Variants in SIPA1L1 observed in about 807,000 individuals in gnomAD.
SIPA1L1 encodes signal-induced proliferation-associated 1-like protein 1.
In SIPA1L1, 26 loss-of-function variants were observed where a neutral mutation model predicts 162.7. That is an observed-to-expected ratio of 0.16 (90% CI 0.12 to 0.22). The LOEUF (loss-of-function observed/expected upper bound fraction) is 0.22. Among genes scored for constraint, SIPA1L1 ranks in the 10% least tolerant of loss-of-function variants. The pLI is 1.00. For missense variants in SIPA1L1, 1,874 were observed against 2,241.0 expected, an observed-to-expected ratio of 0.84 and a Z score of 3.31; for synonymous variants, 829 against 837.4, an observed-to-expected ratio of 0.99 and a Z score of 0.17.
At chr14:71,386,911 T>A (rs2040366023) in intron 2 of SIPA1L1, among the ~76,000 whole-genome samples, 1 of 152,168 alleles carries the variant, frequency 6.6e-6, no homozygotes, top group Admixed American at 6.5e-5. Flanking sequence ...TGAAAAATCT[T>A]CCCTATGAAC....
At chr14:71,605,166 ATTG>A (rs549190943) in intron 5 of SIPA1L1, among the ~76,000 whole-genome samples, 108 of 151,848 alleles carry the variant, frequency 7.1e-4, no homozygotes, top group African/African-American at 2.2e-3. Flanking sequence ...AATCTAGTCT[ATTG>A]TTGTTGCTTT....
chr14:71,603,815 T>C (rs576131781), intron 5 of SIPA1L1, among the ~76,000 whole-genome samples: 1 of 151,252 alleles, frequency 6.6e-6, no homozygotes, highest in Non-Finnish European at 1.5e-5. Flanking sequence ...CTCAGGAGGC[T>C]GAGGCAGGAG....
At chr14:71,332,873 A>G (rs1350045419) in intron 2 of SIPA1L1, among the ~76,000 whole-genome samples, 1 of 152,224 alleles carries the variant, frequency 6.6e-6, no homozygotes, top group Non-Finnish European at 1.5e-5. Context: ...AAAATTCTAT[A>G]AATTTATTAC....
intron 4 of SIPA1L1, among the ~76,000 whole-genome samples, chr14:71,555,856 G>A (rs2056307117): frequency 1.3e-5 from 2 of 152,120 alleles, no homozygotes; most frequent in South Asian, 4.1e-4. Flanking sequence ...GACATTTGTT[G>A]ATTGTTTGAC....
chr14:71,423,267 G>T (rs1008691810), intron 2 of SIPA1L1, among the ~76,000 whole-genome samples: 1 of 152,048 alleles, frequency 6.6e-6, no homozygotes, highest in African/African-American at 2.4e-5. Flanking sequence ...CTCCCATTCT[G>T]TGTGTTGCCT....
intron 7 of SIPA1L1, 52 bp downstream of exon 7, chr14:71,624,288 T>C: frequency 5.5e-6 from 8 of 1,459,540 alleles, no homozygotes; most frequent in Non-Finnish European, 7.5e-6. Flanking sequence ...ATTGCTAGGC[T>C]TCCGGAATAC....
intron 13 of SIPA1L1, among the ~76,000 whole-genome samples, chr14:71,692,920 T>C (rs1210804711): frequency 6.6e-6 from 1 of 152,176 alleles, no homozygotes; most frequent in South Asian, 2.1e-4. Flanking sequence ...GCATCCTGCC[T>C]ACGCTACTGG....
At chr14:71,320,937 C>A (rs1386541203) in intron 1 of SIPA1L1, among the ~76,000 whole-genome samples, 185 bp from the exon 2 acceptor site, 1 of 152,008 alleles carries the variant, frequency 6.6e-6, no homozygotes, top group African/African-American at 2.4e-5. Flanking sequence ...GGCCCCCCGC[C>A]AGCCTGTATT....
intron 4 of SIPA1L1, among the ~76,000 whole-genome samples, chr14:71,543,348 ATTCTTG>A (rs751415812): frequency 3.2e-4 from 48 of 152,354 alleles, no homozygotes; most frequent in Non-Finnish European, 5.7e-4. Context: ...TGCTATCAAC[ATTCTTG>A]TACAAGTCAT....
intron 9 of SIPA1L1, among the ~76,000 whole-genome samples, 170 bp from the exon 10 acceptor site, chr14:71,661,140 C>T (rs2043471936): frequency 2.0e-5 from 3 of 152,218 alleles, no homozygotes; most frequent in Admixed American, 6.5e-5. Flanking sequence ...CTATGTTCTT[C>T]CTTAGAGGGA....
intron 4 of SIPA1L1, among the ~76,000 whole-genome samples, chr14:71,557,420 G>A (rs907760538): frequency 6.6e-6 from 1 of 152,214 alleles, no homozygotes; most frequent in South Asian, 2.1e-4. Context: ...CATAAGAAAA[G>A]AAATCCACTA....
rs750631026 is a variant in SIPA1L1 at position 71,714,711 on chromosome 14, A to G, written c.4208+5047A>G. Among the ~76,000 whole-genome samples, 99 of 152,048 alleles carry G rather than the reference A, an allele frequency of 6.5e-4. 1 individual carries two copies. Among genetic ancestry groups the G allele is most frequent in the Admixed American group, 4.6e-3 (70 of 15,256 alleles). On this transcript the variant is annotated intron_variant, in intron 17 of 23. Coordinates refer to ENST00000381232, the MANE Select transcript of SIPA1L1 (RefSeq NM_001386936.1). The stretch of plus-strand genomic sequence containing the variant: ...ATCCTCCCACCTTAGCCTCCTGAGT[A>G]TCTGGGACTATAGGCATGCACCACT...
At chr14:71,510,529 T>C (rs773654161) in intron 2 of SIPA1L1, among the ~76,000 whole-genome samples, 2 of 152,124 alleles carry the variant, frequency 1.3e-5, no homozygotes, top group African/African-American at 2.4e-5. Flanking sequence ...CATAATATAC[T>C]ATTTACTGTT....
At chr14:71,709,938 T>G (rs552404870) in intron 17 of SIPA1L1, among the ~76,000 whole-genome samples, 2 of 152,372 alleles carry the variant, frequency 1.3e-5, no homozygotes, top group East Asian at 3.9e-4. Flanking sequence ...TACTACAATT[T>G]GAGAGGAAAT....
chr14:71,541,630 G>A (rs868333332), intron 4 of SIPA1L1, among the ~76,000 whole-genome samples: 4 of 151,896 alleles, frequency 2.6e-5, no homozygotes, highest in African/African-American at 4.8e-5. Context: ...AAAATTAGCC[G>A]GGCATGTTGG....
At chr14:71,346,481 T>C (rs1047228929) in intron 2 of SIPA1L1, among the ~76,000 whole-genome samples, 13 of 152,112 alleles carry the variant, frequency 8.5e-5, no homozygotes, top group Non-Finnish European at 1.6e-4. Flanking sequence ...AGGTGTCTCA[T>C]GAAGCTCAGA....
At chr14:71,602,749 A>T (rs561900272) in intron 5 of SIPA1L1, among the ~76,000 whole-genome samples, 1 of 152,346 alleles carries the variant, frequency 6.6e-6, no homozygotes, top group Admixed American at 6.5e-5. Flanking sequence ...CAGGTGAGCC[A>T]GCATTATCAC....
At chr14:71,429,309 TGATTTGG>T (rs1372919127) in intron 2 of SIPA1L1, among the ~76,000 whole-genome samples, 7 of 152,168 alleles carry the variant, frequency 4.6e-5, no homozygotes, top group Non-Finnish European at 5.9e-5. Context: ...AACAGTTTGT[TGATTTGG>T]TACTTTTATT....
intron 2 of SIPA1L1, among the ~76,000 whole-genome samples, chr14:71,344,985 C>T (rs1164353215): frequency 4.6e-5 from 7 of 152,188 alleles, no homozygotes; most frequent in African/African-American, 9.7e-5. Context: ...ATGTCATCTG[C>T]ACTGCACAGG....
Sources: allele counts gnomAD v4.1 joint callset (sites outside exome capture counted in the v4.1 genomes callset), GRCh38; gene constraint gnomAD v4.1.1; transcripts MANE v1.5; gene names NCBI Gene and HGNC (gene_info 2026-07-23, HGNC 2026-07-21).